The following RPS6 variants were observed in gnomAD, a reference collection of about 807,000 sequenced individuals.
RPS6 encodes ribosomal protein S6.
A neutral mutation model predicts 27.1 loss-of-function variants in RPS6; 1 was observed. The observed-to-expected ratio is 0.04, with a 90% CI of 0.01 to 0.18. RPS6 has a LOEUF of 0.18. RPS6 is among the 10% of genes least tolerant of loss of function. RPS6 has a pLI of 1.00. For synonymous variants in RPS6, 152 were observed against 106.0 expected, an observed-to-expected ratio of 1.43 and a Z score of -2.66; for missense variants, 259 against 319.1, an observed-to-expected ratio of 0.81 and a Z score of 1.44.
At chr9:19,378,609 ATC>A (rs1829627914) in intron 3 of RPS6, 95 bp from the exon 4 acceptor site, 1 of 1,573,512 alleles carries the variant, frequency 6.4e-7, no homozygotes, top group Non-Finnish European at 8.7e-7. Flanking sequence ...AGAGAAACAA[ATC>A]CATTGGTCTG....
At chr9:19,380,042 A>G in intron 1 of RPS6, 148 bp downstream of exon 1, 2 of 1,569,732 alleles carry the variant, frequency 1.3e-6, no homozygotes, top group Non-Finnish European at 1.7e-6. Context: ...AAAAAGCTCC[A>G]TGCCCCAGAA....
chr9:19,378,231 C>A, intron 4 of RPS6, 137 bp downstream of exon 4: 1 of 810,842 alleles, frequency 1.2e-6, no homozygotes, highest in East Asian at 2.6e-5. Flanking sequence ...CTGGCCACCC[C>A]CAAATATTTT....
intron 2 of RPS6, 30 bp from the exon 3 acceptor site, chr9:19,378,948 T>A (rs748616305): frequency 6.3e-7 from 1 of 1,599,302 alleles, no homozygotes; most frequent in Non-Finnish European, 8.6e-7. Flanking sequence ...ATGACACATT[T>A]ACTATTTCTA....
chr9:19,378,549 C>T (rs759974070), intron 3 of RPS6, 35 bp from the exon 4 acceptor site: 3 of 1,604,162 alleles, frequency 1.9e-6, no homozygotes, highest in Admixed American at 3.5e-5. Context: ...TTTAATTCAA[C>T]AACTTCCTTA....
At chr9:19,379,181 CA>C (rs776030510) in intron 2 of RPS6, 39 of 924,690 alleles carry the variant, frequency 4.2e-5, no homozygotes, top group Non-Finnish European at 5.8e-5. Context: ...TATCAAACAG[CA>C]ACAAACAAAT....
Position 19,376,329 on chromosome 9 carries a change from T to C in RPS6, c.714A>G (p.Arg238=). Residue 238 remains arginine (R), a synonymous_variant, in exon 6 of 6, where the codon CGA becomes CGG. Coordinates refer to ENST00000380394, the MANE Select transcript of RPS6 (RefSeq NM_001010.3). ...TGGATTCAGACTTAGAAGTAGAAGC[T>C]CGCAGAGAGGAAAGTCTGCGTCTCT... is the stretch of plus-strand genomic sequence containing the variant. ...IAKRRRLSSL[R]ASTSKSESSQ... is the part of the protein sequence containing the mutation. 6.2e-7 allele frequency: 1 copy of C among 1,614,118 alleles called. No homozygotes were observed. The highest frequency in any genetic ancestry group is 8.5e-7 in the Non-Finnish European group (1 of 1,180,014).
intron 4 of RPS6, 39 bp from the exon 5 acceptor site, chr9:19,376,690 T>C: frequency 1.9e-6 from 3 of 1,579,762 alleles, no homozygotes; most frequent in Admixed American, 1.9e-5. Context: ...AATATTTGTT[T>C]TGTTAGAATC....
chr9:19,377,228 G>A (rs888741909), intron 4 of RPS6, among the ~76,000 whole-genome samples: 5 of 152,138 alleles, frequency 3.3e-5, no homozygotes, highest in Non-Finnish European at 5.9e-5. Context: ...GGAGTTAACT[G>A]CCTTAGGCTA....
chr9:19,375,765 A>G lies in RPS6; in HGVS notation c.*528T>C, dbSNP rs1287171029. The G allele has an allele frequency of 6.6e-6, 1 of 152,430 alleles. No homozygotes were observed. The highest frequency in any genetic ancestry group is 1.5e-5 in the Non-Finnish European group (1 of 68,218). The allele number at this position is 152,430 out of a possible 1,614,324, so 9.4% of individuals were successfully genotyped here. ...TAGTCATTTCCTTTTCAGTGTGTGA[A>G]CAGCCTAACAATTCACTGGAGTTGA... On this transcript the variant is annotated 3_prime_UTR_variant, in exon 6 of 6. Transcript: ENST00000380394.
At chr9:19,379,241 G>A in intron 2 of RPS6, 1 of 1,361,646 alleles carries the variant, frequency 7.3e-7, no homozygotes, top group Non-Finnish European at 9.8e-7. Context: ...ACAGCTATGT[G>A]ACATATTGCC....
At chr9:19,376,751 T>C (rs1030669183) in intron 4 of RPS6, 100 bp from the exon 5 acceptor site, 9 of 1,212,310 alleles carry the variant, frequency 7.4e-6, no homozygotes, top group Non-Finnish European at 1.0e-5. Flanking sequence ...ACAGCATCTA[T>C]GAAAACCTAT....
chr9:19,379,173 T>A, intron 2 of RPS6: 1 of 887,200 alleles, frequency 1.1e-6, no homozygotes, highest in Non-Finnish European at 1.7e-6. Context: ...AGATAAAATA[T>A]CAAACAGCAA....
chr9:19,377,515 CT>C (rs1179234118), intron 4 of RPS6, among the ~76,000 whole-genome samples: 2 of 151,646 alleles, frequency 1.3e-5, no homozygotes, highest in Non-Finnish European at 2.9e-5. Context: ...CAGACGTATA[CT>C]ATCTATGCCA....
rs1479198410 is a variant in RPS6 at position 19,376,671 on chromosome 9, A to C, written c.497-20T>G. 4 of 1,591,716 alleles carry C rather than the reference A, an allele frequency of 2.5e-6. No individual in the cohort carries two copies. The highest frequency in any genetic ancestry group is 4.5e-5 in the East Asian group (2 of 44,778). ...TCTTACCTAAAAATTCAAAGGACTC[A>C]ATCATTTCAATATTTGTTTTGTTAG... On this transcript the variant is annotated intron_variant, in intron 4 of 5. Transcript: ENST00000380394.
chr9:19,378,644 A>G lies in RPS6; in HGVS notation c.349+64T>C, dbSNP rs1471311482. 3.2e-6 allele frequency: 5 copies of G among 1,579,206 alleles called. No homozygotes were observed. The East Asian group carries it at 8.9e-5, about 28-fold the overall frequency. On this transcript the variant is annotated intron_variant, in intron 3 of 5. Coordinates refer to ENST00000380394, the MANE Select transcript of RPS6 (RefSeq NM_001010.3). ...CTGTAAGTCTGGATACTGCAAATGAATAAGCATTTGGACAACTGGCTTTAA... is the reference window on the plus strand; with the variant it reads ...CTGTAAGTCTGGATACTGCAAATGAGTAAGCATTTGGACAACTGGCTTTAA...
At chr9:19,376,413 G>T (rs1316102011) in intron 5 of RPS6, 25 bp from the exon 6 acceptor site, 1 of 1,613,304 alleles carries the variant, frequency 6.2e-7, no homozygotes, top group Admixed American at 1.7e-5. Flanking sequence ...ACAGCAAACA[G>T]TTAAGGCCTT....
rs1829637077 is a variant in RPS6, at chr9:19,379,116, A to G, written c.139-198T>C. 8 of 762,446 alleles carry G rather than the reference A, an allele frequency of 1.0e-5. No individual in the cohort carries two copies. The South Asian group carries it at 1.6e-4, about 15-fold the overall frequency. The allele number at this position is 762,446 out of a possible 1,614,324, so 47.2% of individuals were successfully genotyped here. A position where few individuals can be genotyped will look rare whatever the true frequency, so the allele number is the denominator to read the frequency against. ...CAAGTTCAATTATCAAATGTCTTTC[A>G]AGTCGCATTTCTAACCGATGTTTTA... On this transcript the variant is annotated intron_variant, in intron 2 of 5. Coordinates refer to ENST00000380394, the MANE Select transcript of RPS6 (RefSeq NM_001010.3).
intron 2 of RPS6, 191 bp downstream of exon 2, chr9:19,379,296 G>T: frequency 6.8e-7 from 1 of 1,474,558 alleles, no homozygotes; most frequent in Non-Finnish European, 9.0e-7. Context: ...TAAACTTTAC[G>T]TATATTTTAT....
In RPS6 at chr9:19,379,610, G is replaced by A. The variant is rs1829645673; in HGVS notation, c.15C>T (p.Ile5=). The change falls in exon 2 of 6, where the codon ATC becomes ATT. Residue 5 remains isoleucine (I), a synonymous_variant. Transcript: ENST00000380394. ...TCTGGCAGCCAGTGGCTGGGAAGGAGATGTTCAGCTAAGGATTAAAAGGGG... is the reference window on the plus strand; with the variant it reads ...TCTGGCAGCCAGTGGCTGGGAAGGAAATGTTCAGCTAAGGATTAAAAGGGG... MKLN[I]SFPATGCQKL... The A allele has an allele frequency of 6.2e-7, 1 of 1,613,606 alleles. No individual in the cohort carries two copies. The highest frequency in any genetic ancestry group is 8.5e-7 in the Non-Finnish European group (1 of 1,179,722).
Sources: gnomAD v4.1 joint callset for allele counts (sites outside exome capture counted in the v4.1 genomes callset) on GRCh38, gnomAD v4.1.1 for gene constraint, MANE v1.5 for transcripts, NCBI Gene and HGNC (gene_info 2026-07-23, HGNC 2026-07-21) for gene names.